The following EXT1 variants were observed in gnomAD, a reference collection of about 807,000 sequenced individuals.
EXT1 encodes the protein exostosin glycosyltransferase 1, also known as exostosin-1.
EXT1 carries 20 observed loss-of-function variants against 82.5 expected under a neutral mutation model. The observed-to-expected ratio is 0.24, with a 90% confidence interval of 0.17 to 0.35. The LOEUF (loss-of-function observed/expected upper bound fraction) is 0.35. Among genes scored for constraint, EXT1 ranks in the 10% least tolerant of loss-of-function variants. The pLI is 1.00. For missense variants in EXT1, 757 were observed against 936.5 expected (o/e 0.81, Z 2.50); for synonymous variants, 348 against 350.8 (o/e 0.99, Z 0.09).
intron 1 of EXT1, among the ~76,000 whole-genome samples, chr8:118,036,015 G>T (rs997078841): frequency 2.6e-5 from 4 of 151,624 alleles, no homozygotes; most frequent in African/African-American, 9.7e-5. Context: ...AAACACTTAG[G>T]CAGTAATGAC....
At chr8:118,051,299 C>G (rs1359766960) in intron 1 of EXT1, among the ~76,000 whole-genome samples, 1 of 152,136 alleles carries the variant, frequency 6.6e-6, no homozygotes, top group Non-Finnish European at 1.5e-5. Flanking sequence ...GATGGTACCA[C>G]TGCACACCAG....
intron 1 of EXT1, among the ~76,000 whole-genome samples, chr8:117,953,431 C>T (rs1052884701): frequency 6.6e-6 from 1 of 151,658 alleles, no homozygotes; most frequent in African/African-American, 2.4e-5. Context: ...GCACTGTGAG[C>T]CCCAATGAAG....
In EXT1 at chr8:117,988,642, C is replaced by G. The variant is rs191433449; in HGVS notation, c.962+121443G>C. On this transcript the variant is annotated intron_variant, in intron 1 of 10. Transcript: ENST00000378204. ...CCCACCTCCCTCCACCTCCAGCACC[C>G]TCCCAACCCCAATGTCAAGAGAGGC... is the stretch of plus-strand genomic sequence containing the variant. Among the ~76,000 whole-genome samples the G allele has an allele frequency of 2.0e-3, 301 of 152,298 alleles. 3 individuals carry two copies. Among genetic ancestry groups the G allele is most frequent in the South Asian group, 0.012 (58 of 4,828 alleles).
At position 117,797,761 on chromosome 8, in the gene EXT1, AT is replaced by A. The variant is rs1823106188; in HGVS notation, c.*1950del. On this transcript the variant is annotated 3_prime_UTR_variant, in exon 11 of 11. Coordinates refer to ENST00000378204, the MANE Select transcript of EXT1 (RefSeq NM_000127.3). ...TGCAAGCACCATGGACCTAAGAATT[AT>A]TTTTCAACAAATGCCTAAGAGATAA... The A allele has an allele frequency of 6.6e-6, 1 of 152,206 alleles. No individual in the cohort carries two copies. Among genetic ancestry groups the A allele is most frequent in the Non-Finnish European group, 1.5e-5 (1 of 68,044 alleles). 9.4% of individuals were successfully genotyped at this position (152,206 alleles called of 1,614,324 possible). A position where few individuals can be genotyped will look rare whatever the true frequency, so the allele number is the denominator to read the frequency against.
chr8:117,990,525 C>G (rs994495612), intron 1 of EXT1, among the ~76,000 whole-genome samples: 9 of 152,200 alleles, frequency 5.9e-5, no homozygotes, highest in Non-Finnish European at 1.2e-4. Context: ...CAGCAAAATG[C>G]TCAGGAACCA....
At chr8:118,008,252 T>C (rs1815820451) in intron 1 of EXT1, among the ~76,000 whole-genome samples, 1 of 150,510 alleles carries the variant, frequency 6.6e-6, no homozygotes, top group South Asian at 2.1e-4. Context: ...TTATGCATAT[T>C]ATACTTTTTT....
At chr8:118,055,287 G>C (rs1379521933) in intron 1 of EXT1, among the ~76,000 whole-genome samples, 3 of 152,170 alleles carry the variant, frequency 2.0e-5, no homozygotes, top group African/African-American at 7.2e-5. Flanking sequence ...CATATTTTGG[G>C]ATCATCCATG....
chr8:117,843,170 G>C (rs1398173899), intron 1 of EXT1, among the ~76,000 whole-genome samples: 1 of 152,222 alleles, frequency 6.6e-6, no homozygotes, highest in Admixed American at 6.5e-5. Context: ...GCATGGGGAT[G>C]AGAGAAATGA....
rs186612091 is a variant in EXT1, at chr8:117,882,803, C to T, written c.963-45602G>A. Reference sequence around the variant, plus strand: ...ACCATACTGGCCAACATGGTGAAACCCTGTCTCTACTAAAAATACAAAAAT... The same window carrying T: ...ACCATACTGGCCAACATGGTGAAACTCTGTCTCTACTAAAAATACAAAAAT... On this transcript the variant is annotated intron_variant, in intron 1 of 10. Transcript: ENST00000378204. 2.3e-4 allele frequency among the ~76,000 whole-genome samples: 35 copies of T among 151,790 alleles called. No homozygotes were observed. In the East Asian group the frequency reaches 6.4e-3, roughly 28 times the overall value.
In EXT1 at chr8:118,086,348, A is replaced by T. The variant is rs142645502; in HGVS notation, c.962+23737T>A. 3.0e-3 allele frequency among the ~76,000 whole-genome samples: 452 copies of T among 152,276 alleles called. 2 individuals carry two copies. Among genetic ancestry groups the T allele is most frequent in the African/African-American group, 0.01 (433 of 41,558 alleles). ...GAGTACAGAAATAATCCATCCTGAA[A>T]ATGCCTTCTAGTCTAAGCACCTGGC... On this transcript the variant is annotated intron_variant, in intron 1 of 10. Transcript: ENST00000378204.
At chr8:117,922,361 G>A (rs1813872521) in intron 1 of EXT1, among the ~76,000 whole-genome samples, 1 of 152,200 alleles carries the variant, frequency 6.6e-6, no homozygotes, top group African/African-American at 2.4e-5. Context: ...CTTTCCCAAG[G>A]AGTTGACAAT....
chr8:117,819,208 G>A (rs931392755), intron 6 of EXT1, among the ~76,000 whole-genome samples: 5 of 152,118 alleles, frequency 3.3e-5, no homozygotes, highest in African/African-American at 1.2e-4. Context: ...GTTACCATAG[G>A]CATAATCGTC....
At chr8:118,044,923 CAG>C (rs1816598179) in intron 1 of EXT1, among the ~76,000 whole-genome samples, 1 of 152,304 alleles carries the variant, frequency 6.6e-6, no homozygotes, top group East Asian at 1.9e-4. Context: ...CTAGCTGTGA[CAG>C]AGAATGTATG....
At chr8:118,035,783 A>G (rs937921702) in intron 1 of EXT1, among the ~76,000 whole-genome samples, 32 of 152,324 alleles carry the variant, frequency 2.1e-4, no homozygotes, top group African/African-American at 7.5e-4. Flanking sequence ...TTTTTCTTCA[A>G]TCTGTAAGTA....
At chr8:117,922,608 A>G (rs1340037701) in intron 1 of EXT1, among the ~76,000 whole-genome samples, 1 of 152,126 alleles carries the variant, frequency 6.6e-6, no homozygotes, top group Admixed American at 6.5e-5. Context: ...CTCTCATTAT[A>G]GAAGGAGAAC....
At chr8:118,042,121 T>C (rs1030744314) in intron 1 of EXT1, among the ~76,000 whole-genome samples, 2 of 152,110 alleles carry the variant, frequency 1.3e-5, no homozygotes, top group Non-Finnish European at 2.9e-5. Context: ...GAAATTACTT[T>C]TTCCATTATG....
chr8:117,945,036 C>A (rs1341172714), intron 1 of EXT1, among the ~76,000 whole-genome samples: 1 of 152,146 alleles, frequency 6.6e-6, no homozygotes, highest in African/African-American at 2.4e-5. Flanking sequence ...GTGGTGGGCG[C>A]CTGTAGTCCC....
At chr8:117,806,224 C>A (rs1823233989) in intron 9 of EXT1, among the ~76,000 whole-genome samples, 1 of 152,174 alleles carries the variant, frequency 6.6e-6, no homozygotes, top group Non-Finnish European at 1.5e-5. Context: ...TCTGTTATAG[C>A]CTCTTCTCAA....
At chr8:118,064,290 A>C (rs1444958749) in intron 1 of EXT1, among the ~76,000 whole-genome samples, 1 of 152,030 alleles carries the variant, frequency 6.6e-6, no homozygotes, top group Non-Finnish European at 1.5e-5. Context: ...TCAACCCATC[A>C]TCTACATTAG....
Sources: allele counts gnomAD v4.1 joint callset (sites outside exome capture counted in the v4.1 genomes callset), GRCh38; gene constraint gnomAD v4.1.1; transcripts MANE v1.5; gene names NCBI Gene and HGNC (gene_info 2026-07-23, HGNC 2026-07-21).